GRID1: variants seen among roughly 807,000 people sequenced by gnomAD.
The protein encoded by GRID1 is glutamate ionotropic receptor delta type subunit 1.
Under a neutral mutation model 98.0 loss-of-function variants are expected in GRID1, and 28 were observed. The ratio of observed to expected loss-of-function variants is 0.29; its 90% CI spans 0.21 to 0.39. GRID1 has a LOEUF of 0.39. GRID1 is among the 10% of genes least tolerant of loss of function. The pLI, the probability that GRID1 is intolerant of heterozygous loss-of-function variation, is 1.00. For missense variants in GRID1, 1,111 were observed against 1,340.5 expected, an observed-to-expected ratio of 0.83 and a Z score of 2.67; for synonymous variants, 553 against 538.5, an observed-to-expected ratio of 1.03 and a Z score of -0.37.
At chr10:86,209,021 C>A (rs965944841) in intron 2 of GRID1, among the ~76,000 whole-genome samples, 1 of 152,064 alleles carries the variant, frequency 6.6e-6, no homozygotes, top group Non-Finnish European at 1.5e-5. Flanking sequence ...CAAGAAGATA[C>A]TACAATAACA....
At chr10:86,358,999 A>G (rs1250927353) in intron 2 of GRID1, among the ~76,000 whole-genome samples, 3 of 152,176 alleles carry the variant, frequency 2.0e-5, no homozygotes. Context: ...GGAGAAGGCC[A>G]GGAAACAAAT....
intron 4 of GRID1, among the ~76,000 whole-genome samples, chr10:85,919,192 TG>T (rs1241923875): frequency 1.3e-5 from 2 of 152,246 alleles, no homozygotes; most frequent in African/African-American, 4.8e-5. Context: ...ACTCAGTTGC[TG>T]GGAGACCCCA....
rs149967266 is a variant in GRID1, at chr10:85,743,446, C to T, written c.1234-13832G>A. Reference sequence around the variant, plus strand: ...TTTTACAAAATTTGGGGTTGTCATGCAGTAATAGTAACTTGAAAAGAAGTT... The same window carrying T: ...TTTTACAAAATTTGGGGTTGTCATGTAGTAATAGTAACTTGAAAAGAAGTT... On this transcript the variant is annotated intron_variant, in intron 8 of 15. Coordinates refer to ENST00000327946, the MANE Select transcript of GRID1 (RefSeq NM_017551.3). Among the ~76,000 whole-genome samples, 242 of 152,110 alleles carry T rather than the reference C, an allele frequency of 1.6e-3. 1 individual carries two copies. The highest frequency in any genetic ancestry group is 5.6e-3 in the African/African-American group (233 of 41,492).
At chr10:86,212,971 C>T (rs926093621) in intron 2 of GRID1, among the ~76,000 whole-genome samples, 3 of 152,172 alleles carry the variant, frequency 2.0e-5, no homozygotes, top group South Asian at 2.1e-4. Context: ...TGAGCTGGCT[C>T]TCCCGTCCCT....
In GRID1 at chr10:86,352,160, G is replaced by A. The variant is rs376596258; in HGVS notation, c.235+11781C>T. ...TACTAAAAATACAGCTCAGCATAAA[G>A]ACTGGTTCGAGATGAGAGTCACCCA... is the stretch of plus-strand genomic sequence containing the variant. On this transcript the variant is annotated intron_variant, in intron 2 of 15. Transcript: ENST00000327946. Among the ~76,000 whole-genome samples the A allele has an allele frequency of 3.9e-5, 6 of 152,324 alleles. No individual in the cohort carries two copies. The East Asian group carries it at 9.7e-4, about 25-fold the overall frequency.
chr10:86,073,266 G>A (rs557496944), intron 4 of GRID1, among the ~76,000 whole-genome samples: 1 of 152,318 alleles, frequency 6.6e-6, no homozygotes, highest in Non-Finnish European at 1.5e-5. Flanking sequence ...GAGCACCCCT[G>A]AGGGAGGGAC....
intron 4 of GRID1, among the ~76,000 whole-genome samples, chr10:86,105,077 G>A (rs1462956642): frequency 2.6e-5 from 4 of 152,208 alleles, no homozygotes; most frequent in Non-Finnish European, 1.5e-5. Flanking sequence ...GATTTTTAAG[G>A]AAGTGATTTA....
chr10:85,609,116 G>A (rs1336075027), intron 15 of GRID1, among the ~76,000 whole-genome samples: 3 of 152,180 alleles, frequency 2.0e-5, no homozygotes, highest in Non-Finnish European at 4.4e-5. Flanking sequence ...CTGGCCTTTT[G>A]ACAAGCTTGC....
chr10:85,734,846 C>CA, intron 8 of GRID1, among the ~76,000 whole-genome samples: 1 of 152,074 alleles, frequency 6.6e-6, no homozygotes, highest in African/African-American at 2.4e-5. Flanking sequence ...GCACGGTTCA[C>CA]AAGAAATAAT....
Position 86,095,852 on chromosome 10 carries a change from G to A in GRID1, c.726+42967C>T, listed in dbSNP as rs564150321. Among the ~76,000 whole-genome samples, 4 of 152,206 alleles carry A rather than the reference G, an allele frequency of 2.6e-5. No individual in the cohort carries two copies. In the East Asian group the frequency reaches 5.8e-4, roughly 22 times the overall value. ...AGAACTACCATTTGATCCAGCAATC[G>A]AACTACTGGATTTCTACACAGAAGA... On this transcript the variant is annotated intron_variant, in intron 4 of 15. Coordinates refer to ENST00000327946, the MANE Select transcript of GRID1 (RefSeq NM_017551.3).
At chr10:85,897,872 C>A (rs554706297) in intron 5 of GRID1, among the ~76,000 whole-genome samples, 21 of 129,522 alleles carry the variant, frequency 1.6e-4, no homozygotes, top group Middle Eastern at 4.5e-3. Context: ...ACCACCATCT[C>A]CCCAACCCCC....
chr10:86,357,630 A>T (rs1421983122), intron 2 of GRID1, among the ~76,000 whole-genome samples: 3 of 152,172 alleles, frequency 2.0e-5, no homozygotes, highest in African/African-American at 4.8e-5. Context: ...GAGTATATGC[A>T]TGCATGTGTG....
At chr10:85,670,256 T>C (rs1036937904) in intron 12 of GRID1, among the ~76,000 whole-genome samples, 2 of 152,120 alleles carry the variant, frequency 1.3e-5, no homozygotes, top group African/African-American at 4.8e-5. Context: ...CTACTAGGAA[T>C]CCACTTGGAA....
Position 85,602,837 on chromosome 10 carries a change from T to C in GRID1, c.2602-136A>G, listed in dbSNP as rs1053503831. 2.7e-5 allele frequency: 17 copies of C among 624,980 alleles called. No individual in the cohort carries two copies. In the African/African-American group the frequency reaches 3.1e-4, roughly 12 times the overall value. The allele number at this position is 624,980 out of a possible 1,614,324, so 38.7% of individuals were successfully genotyped here. On this transcript the variant is annotated intron_variant, in intron 15 of 15. Transcript: ENST00000327946. ...TGGGCGAGTATCCCTTTCATGTGGCTCCCACCTCCCCTCAATTATATGGCC... is the reference window on the plus strand; with the variant it reads ...TGGGCGAGTATCCCTTTCATGTGGCCCCCACCTCCCCTCAATTATATGGCC...
intron 4 of GRID1, among the ~76,000 whole-genome samples, chr10:86,114,262 C>G (rs1245057759): frequency 6.6e-6 from 1 of 152,090 alleles, no homozygotes; most frequent in Non-Finnish European, 1.5e-5. Flanking sequence ...ATGGGGCCAC[C>G]ATGTGGAGGC....
intron 12 of GRID1, among the ~76,000 whole-genome samples, chr10:85,662,310 C>T (rs866946778): frequency 1.3e-5 from 2 of 152,194 alleles, no homozygotes; most frequent in African/African-American, 4.8e-5. Flanking sequence ...GATGTTCCTT[C>T]ATGGGTTTGG....
Position 85,869,194 on chromosome 10 carries a change from C to A in GRID1, c.781-14G>T. On this transcript the variant is annotated splice_polypyrimidine_tract_variant and intron_variant, in intron 5 of 15. Transcript: ENST00000327946. ...GTCACTGATTTCCTAGAAAAATAAC[C>A]AGGCCCATGCTTACCATCCACTCAT... 1 of 1,609,088 alleles carries A rather than the reference C, an allele frequency of 6.2e-7. No individual in the cohort carries two copies. The highest frequency in any genetic ancestry group is 8.5e-7 in the Non-Finnish European group (1 of 1,175,562).
At chr10:86,145,311 C>T (rs2131976462) in intron 3 of GRID1, among the ~76,000 whole-genome samples, 1 of 152,300 alleles carries the variant, frequency 6.6e-6, no homozygotes, top group Admixed American at 6.5e-5. Context: ...AAACCTCCAC[C>T]TCCCAGGTTC....
intron 13 of GRID1, among the ~76,000 whole-genome samples, 170 bp from the exon 14 acceptor site, chr10:85,620,203 T>C (rs1390587354): frequency 6.6e-6 from 1 of 152,196 alleles, no homozygotes; most frequent in Non-Finnish European, 1.5e-5. Flanking sequence ...AATGCCAGCA[T>C]TGGTTGAGGC....
Sources: allele counts gnomAD v4.1 joint callset (sites outside exome capture counted in the v4.1 genomes callset), GRCh38; gene constraint gnomAD v4.1.1; transcripts MANE v1.5; gene names NCBI Gene and HGNC (gene_info 2026-07-23, HGNC 2026-07-21).